The following TRPM3 variants were observed in gnomAD, a reference collection of about 807,000 sequenced individuals.
The protein encoded by TRPM3 is long transient receptor potential channel 3.
In TRPM3, 77 loss-of-function variants were observed where a neutral mutation model predicts 181.2. That is an observed-to-expected ratio of 0.42 (90% confidence interval 0.35 to 0.51). The LOEUF is 0.51. TRPM3 is among the 20% of genes least tolerant of loss of function. The pLI is 0.01. For synonymous variants in TRPM3, 745 were observed against 796.4 expected (o/e 0.94, Z 1.09); for missense variants, 1,759 against 2,196.7 (o/e 0.80, Z 3.98).
At chr9:71,199,852 T>C (rs1221463657) in intron 1 of TRPM3, among the ~76,000 whole-genome samples, 2 of 151,554 alleles carry the variant, frequency 1.3e-5, no homozygotes, top group African/African-American at 4.8e-5. Context: ...TTTTGAAGGG[T>C]TTTTTGTGTC....
chr9:70,537,042 T>A lies in TRPM3; in HGVS notation c.4071A>T (p.Lys1357Asn). The A allele has an allele frequency of 1.2e-6, 2 of 1,612,440 alleles. No individual in the cohort carries two copies. Among genetic ancestry groups the A allele is most frequent in the Non-Finnish European group, 1.7e-6 (2 of 1,178,506 alleles). Reference protein sequence around the residue: ...RSHSFYSVNMKDKGGIEKLES... With the variant: ...RSHSFYSVNMNDKGGIEKLES... ...CCAACTTTTCTATACCACCTTTGTCTTTCATATTGACCGAATAGAAAGAAT... is the reference window on the plus strand; with the variant it reads ...CCAACTTTTCTATACCACCTTTGTCATTCATATTGACCGAATAGAAAGAAT... The change falls in exon 26 of 26, where the codon AAA becomes AAT. Residue 1357 changes from lysine to asparagine, a missense_variant. Lys to Asn is a moderately conservative substitution (Grantham distance 94). This residue lies in a region of TRPM3 where 612 missense variants were observed against 590.0 expected (regional missense o/e 1.04). Coordinates refer to ENST00000677713, the MANE Select transcript of TRPM3 (RefSeq NM_001366145.2).
Position 71,262,458 on chromosome 9 carries a change from G to A in TRPM3, c.183+184195C>T, listed in dbSNP as rs71505933. Among the ~76,000 whole-genome samples the A allele has an allele frequency of 1.5e-3, 224 of 152,290 alleles. 1 individual carries two copies. The highest frequency in any genetic ancestry group is 5.2e-3 in the African/African-American group (215 of 41,566). Reference sequence around the variant, plus strand: ...GGATCTTAGCTTGCTGGGCTCTGTGGGGGTGGGATCTGCTTAGCAAGACAA... The same window carrying A: ...GGATCTTAGCTTGCTGGGCTCTGTGAGGGTGGGATCTGCTTAGCAAGACAA... On this transcript the variant is annotated intron_variant, in intron 1 of 24. Transcript: ENST00000357533.
intron 1 of TRPM3, among the ~76,000 whole-genome samples, chr9:71,305,896 T>C (rs1303875541): frequency 6.6e-6 from 1 of 152,144 alleles, no homozygotes; most frequent in African/African-American, 2.4e-5. Flanking sequence ...AAATCTATCT[T>C]ATAGGATCAG....
chr9:70,659,093 G>C (rs1300255806), intron 9 of TRPM3, among the ~76,000 whole-genome samples: 1 of 152,058 alleles, frequency 6.6e-6, no homozygotes, highest in Non-Finnish European at 1.5e-5. Flanking sequence ...CTTAACTTAT[G>C]GCAATACAGG....
chr9:70,606,713 C>G (rs1346288339), intron 19 of TRPM3, among the ~76,000 whole-genome samples: 5 of 151,432 alleles, frequency 3.3e-5, no homozygotes, highest in African/African-American at 4.9e-5. Flanking sequence ...AATTTCCAAG[C>G]TTTTGAACCT....
At chr9:70,871,045 T>C (rs963338302) in intron 1 of TRPM3, among the ~76,000 whole-genome samples, 1 of 151,826 alleles carries the variant, frequency 6.6e-6, no homozygotes, top group Non-Finnish European at 1.5e-5. Flanking sequence ...AGTAAAAAGA[T>C]AGAGGGATCA....
intron 1 of TRPM3, among the ~76,000 whole-genome samples, chr9:70,890,551 A>G (rs2096182911): frequency 6.6e-6 from 1 of 152,152 alleles, no homozygotes; most frequent in Non-Finnish European, 1.5e-5. Context: ...AGACCAAGAC[A>G]AAGATAAGAT....
intron 22 of TRPM3, among the ~76,000 whole-genome samples, chr9:70,571,370 A>C (rs2052293302): frequency 6.6e-6 from 1 of 152,088 alleles, no homozygotes; most frequent in Non-Finnish European, 1.5e-5. Flanking sequence ...GATATGTGTA[A>C]AGGTTTTGCA....
chr9:70,809,568 A>G (rs1298752054), intron 6 of TRPM3, among the ~76,000 whole-genome samples: 3 of 152,244 alleles, frequency 2.0e-5, no homozygotes, highest in Non-Finnish European at 2.9e-5. Flanking sequence ...ACAGGTTTGT[A>G]GCCTACAAGC....
At chr9:70,983,594 G>C (rs1418863862) in intron 1 of TRPM3, among the ~76,000 whole-genome samples, 1 of 152,184 alleles carries the variant, frequency 6.6e-6, no homozygotes, top group Non-Finnish European at 1.5e-5. Flanking sequence ...GTCTGGCAGA[G>C]ACTTGTGGGC....
At chr9:70,796,591 A>T (rs1347056336) in intron 6 of TRPM3, among the ~76,000 whole-genome samples, 2 of 152,196 alleles carry the variant, frequency 1.3e-5, no homozygotes, top group African/African-American at 4.8e-5. Flanking sequence ...ATGCCAATGA[A>T]CATCCTTTAT....
At chr9:71,158,319 C>A (rs2076103269) in intron 1 of TRPM3, among the ~76,000 whole-genome samples, 1 of 152,118 alleles carries the variant, frequency 6.6e-6, no homozygotes. Context: ...CTACACCATT[C>A]ATGATAGACA....
chr9:70,970,621 C>A (rs1166591132), intron 1 of TRPM3, among the ~76,000 whole-genome samples: 1 of 151,992 alleles, frequency 6.6e-6, no homozygotes, highest in African/African-American at 2.4e-5. Flanking sequence ...TAACATTTGC[C>A]CATTATCTTG....
At position 71,396,989 on chromosome 9, in the gene TRPM3, CT is replaced by C. The variant is rs2093216459; in HGVS notation, c.183+49663del. 2.6e-5 allele frequency among the ~76,000 whole-genome samples: 4 copies of C among 151,742 alleles called. No homozygotes were observed. In the South Asian group the frequency reaches 6.3e-4, roughly 24 times the overall value. ...TCAAAAAAAAAAAAAAAAATTAAGC[CT>C]TATATACAGTGGAAGGAAAACATGC... On this transcript the variant is annotated intron_variant, in intron 1 of 24. Transcript: ENST00000357533.
intron 1 of TRPM3, among the ~76,000 whole-genome samples, chr9:71,296,546 T>A (rs915812842): frequency 1.3e-5 from 2 of 152,142 alleles, no homozygotes; most frequent in African/African-American, 4.8e-5. Flanking sequence ...TTGGCCAGGT[T>A]GACCAAAGTA....
intron 1 of TRPM3, among the ~76,000 whole-genome samples, chr9:71,134,255 A>C (rs1390886864): frequency 6.6e-6 from 1 of 152,086 alleles, no homozygotes; most frequent in Non-Finnish European, 1.5e-5. Flanking sequence ...GTGGCTTCAT[A>C]TTTCCAAATA....
At chr9:70,548,010 T>A (rs931093841) in intron 25 of TRPM3, among the ~76,000 whole-genome samples, 2 of 152,186 alleles carry the variant, frequency 1.3e-5, no homozygotes, top group Non-Finnish European at 2.9e-5. Flanking sequence ...CTTCCTTGCA[T>A]CTTAACACTC....
intron 1 of TRPM3, among the ~76,000 whole-genome samples, chr9:71,036,095 A>G (rs1377296891): frequency 6.7e-6 from 1 of 149,606 alleles, no homozygotes; most frequent in Non-Finnish European, 1.5e-5. Context: ...TACAGATTGG[A>G]GTTTTAAAGT....
chr9:70,787,665 A>C (rs965230178), intron 6 of TRPM3, among the ~76,000 whole-genome samples: 5 of 151,486 alleles, frequency 3.3e-5, no homozygotes, highest in Non-Finnish European at 7.4e-5. Flanking sequence ...TATGTTTGTG[A>C]ATTTTATGAA....
Sources: allele counts gnomAD v4.1 joint callset (sites outside exome capture counted in the v4.1 genomes callset), GRCh38; gene constraint gnomAD v4.1.1; regional missense constraint gnomAD v4.1.1; transcripts MANE v1.5; gene names NCBI Gene and HGNC (gene_info 2026-07-23, HGNC 2026-07-21).